Variants in MSRB3 observed in about 807,000 individuals in gnomAD.
The protein encoded by MSRB3 is methionine-R-sulfoxide reductase B3.
Under a neutral mutation model 21.0 loss-of-function variants are expected in MSRB3, and 13 were observed. That is an observed-to-expected ratio of 0.62 (90% CI 0.40 to 0.98). The LOEUF is 0.98. Among genes scored for constraint, MSRB3 ranks in the 50% least tolerant of loss-of-function variants. MSRB3 has a pLI of 0.00. For missense variants in MSRB3, 199 were observed against 230.3 expected (o/e 0.86, Z 0.88); for synonymous variants, 87 against 88.6 (o/e 0.98, Z 0.10).
At chr12:65,462,372 T>G (rs57585149) in intron 6 of MSRB3, among the ~76,000 whole-genome samples, 61,111 of 151,636 alleles carry the variant, frequency 0.4, 12,423 homozygotes, top group Middle Eastern at 0.53. Flanking sequence ...CTCTGGGCTT[T>G]ATTTCTCTCA....
At chr12:65,410,178 A>G (rs1434254815) in intron 5 of MSRB3, among the ~76,000 whole-genome samples, 3 of 151,798 alleles carry the variant, frequency 2.0e-5, no homozygotes, top group Admixed American at 1.3e-4. Context: ...GTATTTTTCT[A>G]TTGGGGTATT....
At chr12:65,352,187 A>G (rs1455708506) in intron 4 of MSRB3, among the ~76,000 whole-genome samples, 1 of 152,232 alleles carries the variant, frequency 6.6e-6, no homozygotes, top group Non-Finnish European at 1.5e-5. Context: ...GTAATCCAGC[A>G]TATAAACAGA....
At chr12:65,352,513 G>T (rs1413741091) in intron 4 of MSRB3, among the ~76,000 whole-genome samples, 2 of 151,870 alleles carry the variant, frequency 1.3e-5, no homozygotes, top group African/African-American at 2.4e-5. Flanking sequence ...AGGAAAAGAA[G>T]AAGTCAAATT....
At chr12:65,420,240 T>C (rs114855953) in intron 5 of MSRB3, among the ~76,000 whole-genome samples, 2,956 of 152,244 alleles carry the variant, frequency 0.019, 98 homozygotes, top group African/African-American at 0.068. Flanking sequence ...TTTTATTCCA[T>C]TGGTCTATGT....
At chr12:65,421,084 C>G (rs560005390) in intron 5 of MSRB3, among the ~76,000 whole-genome samples, 2 of 152,322 alleles carry the variant, frequency 1.3e-5, no homozygotes, top group East Asian at 3.9e-4. Context: ...CTCTCACCAA[C>G]AGTGTATAAG....
chr12:65,376,390 A>T (rs1216226427), intron 5 of MSRB3, among the ~76,000 whole-genome samples: 2 of 152,030 alleles, frequency 1.3e-5, no homozygotes, highest in African/African-American at 4.8e-5. Context: ...AAGTGCTGGG[A>T]TTGTCATTTT....
chr12:65,461,074 A>G (rs998512044), intron 6 of MSRB3, among the ~76,000 whole-genome samples: 1 of 152,050 alleles, frequency 6.6e-6, no homozygotes, highest in Non-Finnish European at 1.5e-5. Context: ...CATTAAACAC[A>G]CACACACACA....
intron 1 of MSRB3, chr12:65,284,462 G>A (rs1179167854): frequency 6.6e-6 from 1 of 152,226 alleles, no homozygotes; most frequent in Non-Finnish European, 1.5e-5. Context: ...AAGCCTGGGT[G>A]ATGGAGAGAA....
intron 2 of MSRB3, among the ~76,000 whole-genome samples, chr12:65,320,288 G>GT (rs1874579607): frequency 6.6e-6 from 1 of 152,078 alleles, no homozygotes; most frequent in Admixed American, 6.6e-5. Flanking sequence ...TCATAGATTT[G>GT]TTTTTGTGTG....
intron 4 of MSRB3, among the ~76,000 whole-genome samples, chr12:65,341,953 A>G (rs1876172304): frequency 6.6e-6 from 1 of 151,988 alleles, no homozygotes; most frequent in African/African-American, 2.4e-5. Flanking sequence ...ATGTTTCATT[A>G]AATCTAAGAA....
At chr12:65,412,903 G>T (rs765552824) in intron 5 of MSRB3, among the ~76,000 whole-genome samples, 2 of 152,160 alleles carry the variant, frequency 1.3e-5, no homozygotes, top group Non-Finnish European at 2.9e-5. Context: ...TGCCGAGTGA[G>T]GGGGGAAGAG....
intron 2 of MSRB3, among the ~76,000 whole-genome samples, chr12:65,317,502 T>A (rs1874376083): frequency 6.6e-6 from 1 of 152,180 alleles, no homozygotes; most frequent in African/African-American, 2.4e-5. Context: ...ATTTGCCTAA[T>A]CTGATTTGAC....
At chr12:65,417,449 A>G (rs1881040367) in intron 5 of MSRB3, among the ~76,000 whole-genome samples, 1 of 152,202 alleles carries the variant, frequency 6.6e-6, no homozygotes, top group African/African-American at 2.4e-5. Context: ...GAATGGCTAA[A>G]TCAAACTATT....
chr12:65,429,268 C>T (rs111998712), intron 5 of MSRB3, among the ~76,000 whole-genome samples: 270 of 152,164 alleles, frequency 1.8e-3, no homozygotes, highest in African/African-American at 5.8e-3. Context: ...TGGAGGGAGA[C>T]GCTCATTTAA....
chr12:65,354,220 C>T (rs1253856904), intron 4 of MSRB3, among the ~76,000 whole-genome samples: 2 of 151,944 alleles, frequency 1.3e-5, no homozygotes, highest in African/African-American at 4.8e-5. Context: ...TTGCTCTTCT[C>T]GAAGAGTATC....
chr12:65,279,060 G>A, intron 1 of MSRB3, 195 bp downstream of exon 1: 1 of 1,421,042 alleles, frequency 7.0e-7, no homozygotes, highest in Non-Finnish European at 9.2e-7. Flanking sequence ...GTGAGGGGCC[G>A]AACGGAAGGA....
chr12:65,278,869 A>G lies in MSRB3; in HGVS notation c.-52+4A>G, dbSNP rs766592740. 2 of 1,555,214 alleles carry G rather than the reference A, an allele frequency of 1.3e-6. No homozygotes were observed. Among genetic ancestry groups the G allele is most frequent in the East Asian group, 4.8e-5 (2 of 41,306 alleles). ...GCTCTGGGAAGTGCGCAGTCCGGTA[A>G]GTTCGGGCTCCCCTCCCCTCTCCTC... On this transcript the variant is annotated splice_donor_region_variant and intron_variant, in intron 1 of 6. Coordinates refer to ENST00000308259, the MANE Select transcript of MSRB3 (RefSeq NM_001031679.3).
intron 6 of MSRB3, among the ~76,000 whole-genome samples, chr12:65,460,193 A>C (rs1450280753): frequency 6.6e-6 from 1 of 152,222 alleles, no homozygotes; most frequent in Non-Finnish European, 1.5e-5. Context: ...TGTACTGAGA[A>C]ACCCCAACAC....
rs112910141 is a variant in MSRB3 at position 65,436,890 on chromosome 12, C to T, written c.293-16838C>T. On this transcript the variant is annotated intron_variant, in intron 5 of 6. Coordinates refer to ENST00000308259, the MANE Select transcript of MSRB3 (RefSeq NM_001031679.3). ...GGATTTACATGCCAACTTCACTTAA[C>T]GGTGCACAGTAAAGTGGCCTTGTGA... Among the ~76,000 whole-genome samples, 500 of 151,990 alleles carry T rather than the reference C, an allele frequency of 3.3e-3. 5 individuals are homozygous for T. The highest frequency in any genetic ancestry group is 0.011 in the African/African-American group (461 of 41,502).
Sources: allele counts gnomAD v4.1 joint callset (sites outside exome capture counted in the v4.1 genomes callset), GRCh38; gene constraint gnomAD v4.1.1; transcripts MANE v1.5; gene names NCBI Gene and HGNC (gene_info 2026-07-23, HGNC 2026-07-21).